RFX4: variants seen among roughly 807,000 people sequenced by gnomAD.
RFX4 encodes the protein regulatory factor X4.
A neutral mutation model predicts 95.0 loss-of-function variants in RFX4; 10 were observed. That is an observed-to-expected ratio of 0.11 (90% CI 0.06 to 0.18). RFX4 has a LOEUF of 0.18. Ranked by LOEUF, RFX4 falls within the 10% of genes least tolerant of loss-of-function variation. RFX4 has a pLI of 1.00. For missense variants in RFX4, 640 were observed against 922.0 expected (o/e 0.69, Z 3.96); for synonymous variants, 321 against 340.7 (o/e 0.94, Z 0.64).
Position 106,586,870 on chromosome 12 carries a change from C to A in RFX4, c.43+3507C>A, listed in dbSNP as rs530162197. The stretch of plus-strand genomic sequence containing the variant: ...TCCTCCATTCTTGCCCAGGCACAGC[C>A]CTGGGGAAGGAGCCACTGTCTGCGG... On this transcript the variant is annotated intron_variant, in intron 1 of 17. Coordinates refer to ENST00000392842, the MANE Select transcript of RFX4 (RefSeq NM_213594.3). This position sits in a 1 kb window ranked among gnomAD's most constrained non-coding sequence, Gnocchi z 5.6. 1.3e-5 allele frequency among the ~76,000 whole-genome samples: 2 copies of A among 152,354 alleles called. No individual in the cohort carries two copies. Among genetic ancestry groups the A allele is most frequent in the Admixed American group, 6.5e-5 (1 of 15,312 alleles).
At chr12:106,706,119 G>A (rs969660129) in intron 8 of RFX4, among the ~76,000 whole-genome samples, 19 of 152,220 alleles carry the variant, frequency 1.2e-4, no homozygotes, top group Admixed American at 5.2e-4. Flanking sequence ...AGCTAAGCAG[G>A]TGAAGAGGGA....
At chr12:106,741,970 A>G (rs2042813772) in intron 15 of RFX4, among the ~76,000 whole-genome samples, 3 of 152,198 alleles carry the variant, frequency 2.0e-5, no homozygotes, top group African/African-American at 7.2e-5. Flanking sequence ...GAGCTCAGGC[A>G]GTAATGCTTG....
In RFX4 at chr12:106,720,859, A is replaced by G; in HGVS notation, c.1334A>G (p.His445Arg). ...GTRVIRDMTLHSAPSFGSFHL... is the reference protein window; with the variant it reads ...GTRVIRDMTLRSAPSFGSFHL... ...AGGGTGATCCGGGACATGACCTTGCACAGCGCCCCCAGCTTCGGTAAGGCC... is the reference window on the plus strand; with the variant it reads ...AGGGTGATCCGGGACATGACCTTGCGCAGCGCCCCCAGCTTCGGTAAGGCC... The change falls in exon 13 of 18, where the codon CAC becomes CGC. Residue 445 changes from histidine to arginine, a missense_variant. This residue lies in a region of RFX4 where 20 missense variants were observed against 52.3 expected (regional missense o/e 0.38). Transcript: ENST00000392842. The surrounding 1 kb of genome is among the most constrained non-coding windows in gnomAD (Gnocchi z 4.2). The G allele has an allele frequency of 6.2e-7, 1 of 1,612,760 alleles. No homozygotes were observed. Among genetic ancestry groups the G allele is most frequent in the Non-Finnish European group, 8.5e-7 (1 of 1,179,986 alleles).
Position 106,629,174 on chromosome 12 carries a change from C to T in RFX4, c.131-10158C>T, listed in dbSNP as rs548016675. 2.2e-3 allele frequency among the ~76,000 whole-genome samples: 332 copies of T among 152,104 alleles called. 3 individuals are homozygous for T. Among genetic ancestry groups the T allele is most frequent in the Non-Finnish European group, 3.8e-3 (261 of 67,988 alleles). ...TCCATATCAGTAAGAACATAGAAAG[C>T]GTCCTCATTCTTTTTTGGTTTTCAT... On this transcript the variant is annotated intron_variant, in intron 2 of 17. Transcript: ENST00000392842.
At chr12:106,600,364 T>G (rs1466341694) in intron 1 of RFX4, among the ~76,000 whole-genome samples, 1 of 151,834 alleles carries the variant, frequency 6.6e-6, no homozygotes, top group East Asian at 1.9e-4. Flanking sequence ...GCTTCCTAAC[T>G]CCCCCAGATT....
intron 15 of RFX4, among the ~76,000 whole-genome samples, chr12:106,736,895 C>G (rs2042718725): frequency 6.6e-6 from 1 of 152,126 alleles, no homozygotes; most frequent in Admixed American, 6.6e-5. Context: ...TTTCATGAAG[C>G]CTGTGCCTCC....
In RFX4 at chr12:106,591,261, C is replaced by CTTTTTTTTTT. The variant is rs1565942195; in HGVS notation, c.43+7898_43+7899insTTTTTTTTTT. Among the ~76,000 whole-genome samples the CTTTTTTTTTT allele has an allele frequency of 4.5e-5, 3 of 66,466 alleles. 1 individual carries two copies. The highest frequency in any genetic ancestry group is 6.5e-5 in the African/African-American group (1 of 15,316). The allele number at this position is 66,466 out of a possible 152,430, so 43.6% of individuals were successfully genotyped here. On this transcript the variant is annotated intron_variant, in intron 1 of 17. Transcript: ENST00000392842. ...CCTATATGAAAGTGTTAAAATAGTC[C>CTTTTTTTTTT]CTTTTTTTTTTTTTTTTTTTTTTTT... is the stretch of plus-strand genomic sequence containing the variant.
intron 2 of RFX4, among the ~76,000 whole-genome samples, chr12:106,620,947 A>G (rs896574727): frequency 6.6e-6 from 1 of 152,156 alleles, no homozygotes; most frequent in African/African-American, 2.4e-5. Context: ...GCTCTCTGCA[A>G]GAAGAAAAAT....
Position 106,720,797 on chromosome 12 carries a change from C to T in RFX4, c.1272C>T (p.Ala424=). 1 of 1,613,868 alleles carries T rather than the reference C, an allele frequency of 6.2e-7. No individual in the cohort carries two copies. ...AKRQGSLKKV[A]QQFLLMWSCF... is the part of the protein sequence containing the mutation. Reference sequence around the variant, plus strand: ...GACAAGGGTCCTTGAAGAAAGTGGCCCAGCAGTTCCTCTTGATGTGGTCCT... The same window carrying T: ...GACAAGGGTCCTTGAAGAAAGTGGCTCAGCAGTTCCTCTTGATGTGGTCCT... Residue 424 remains alanine, a synonymous_variant, in exon 13 of 18, where the codon GCC becomes GCT. Transcript: ENST00000392842. The surrounding 1 kb of genome is among the most constrained non-coding windows in gnomAD (Gnocchi z 4.2).
chr12:106,639,128 T>C (rs377674424), intron 2 of RFX4, among the ~76,000 whole-genome samples: 14 of 152,302 alleles, frequency 9.2e-5, no homozygotes, highest in African/African-American at 1.7e-4. Flanking sequence ...AAAATTGACA[T>C]GAGAGTTTTA....
At chr12:106,625,298 G>A (rs184409807) in intron 2 of RFX4, among the ~76,000 whole-genome samples, 168 of 152,308 alleles carry the variant, frequency 1.1e-3, no homozygotes, top group Non-Finnish European at 2.0e-3. Context: ...TTCAGTAAGC[G>A]TGAGGAAATG....
In RFX4 at chr12:106,701,488, A is replaced by G. The variant is rs145366089; in HGVS notation, c.833+5042A>G. Among the ~76,000 whole-genome samples the G allele has an allele frequency of 2.6e-3, 390 of 151,986 alleles. 1 individual carries two copies. The highest frequency in any genetic ancestry group is 8.6e-3 in the African/African-American group (357 of 41,428). ...TTTCTCTCTTTTTTCTCCTCCTGATATTTCAATTACAAGTATGTTAGGCCA... is the reference window on the plus strand; with the variant it reads ...TTTCTCTCTTTTTTCTCCTCCTGATGTTTCAATTACAAGTATGTTAGGCCA... On this transcript the variant is annotated intron_variant, in intron 8 of 17. Coordinates refer to ENST00000392842, the MANE Select transcript of RFX4 (RefSeq NM_213594.3).
Position 106,689,269 on chromosome 12 carries a change from C to G in RFX4, c.592-18C>G, listed in dbSNP as rs79661096. 6,284 of 1,593,886 alleles carry G rather than the reference C, an allele frequency of 3.9e-3. 28 individuals are homozygous for G. The highest frequency in any genetic ancestry group is 4.8e-3 in the Non-Finnish European group (5,583 of 1,161,856). ...TTAATGTATGTCTTTGTTGTTGATC[C>G]TCTACACACCCCCACAGGTTTCTAC... On this transcript the variant is annotated intron_variant, in intron 6 of 17. Transcript: ENST00000392842.
chr12:106,757,062 C>A lies in RFX4; in HGVS notation c.1936-4135C>A, dbSNP rs140379699. Among the ~76,000 whole-genome samples the A allele has an allele frequency of 5.8e-4, 88 of 152,316 alleles. No individual in the cohort carries two copies. The East Asian group carries it at 0.015, about 25-fold the overall frequency. On this transcript the variant is annotated intron_variant, in intron 17 of 17. Transcript: ENST00000392842. ...TCCCTTCTCTTGACCTTAATTATTTCATCTGTAAACCCAGAGGTAGAACCA... is the reference window on the plus strand; with the variant it reads ...TCCCTTCTCTTGACCTTAATTATTTAATCTGTAAACCCAGAGGTAGAACCA...
chr12:106,616,640 A>T (rs2040079452), intron 2 of RFX4, among the ~76,000 whole-genome samples: 1 of 152,120 alleles, frequency 6.6e-6, no homozygotes, highest in Non-Finnish European at 1.5e-5. Flanking sequence ...CTAAATAGTT[A>T]TTGGATTATT....
intron 2 of RFX4, among the ~76,000 whole-genome samples, chr12:106,630,716 T>A (rs1401879102): frequency 6.6e-6 from 1 of 152,246 alleles, no homozygotes; most frequent in African/African-American, 2.4e-5. Context: ...TTCCTGGGAT[T>A]TGAAAAGAAG....
rs773479338 is a variant in RFX4 at position 106,762,280 on chromosome 12, T to C, written c.*811T>C. ...TAAGTTCTATGAGAATGTGGATTTA[T>C]GGCATTGAGTATCACACTCAGCTCT... On this transcript the variant is annotated 3_prime_UTR_variant, in exon 18 of 18. Transcript: ENST00000392842. 24 of 152,610 alleles carry C rather than the reference T, an allele frequency of 1.6e-4. No individual in the cohort carries two copies. Among genetic ancestry groups the C allele is most frequent in the Non-Finnish European group, 1.9e-4 (13 of 68,038 alleles). 9.5% of individuals were successfully genotyped at this position (152,610 alleles called of 1,614,324 possible).
chr12:106,604,505 C>T (rs768198612), intron 1 of RFX4, among the ~76,000 whole-genome samples: 4 of 151,462 alleles, frequency 2.6e-5, no homozygotes, highest in South Asian at 2.1e-4. Context: ...TTTGGAAAAT[C>T]GCCTTTGATA....
intron 15 of RFX4, among the ~76,000 whole-genome samples, chr12:106,740,178 C>T (rs1037866475): frequency 3.9e-5 from 6 of 152,316 alleles, no homozygotes; most frequent in Admixed American, 6.5e-5. Context: ...GAAATAAAAG[C>T]GAATTCCTCA....
Sources: gnomAD v4.1 joint callset for allele counts (sites outside exome capture counted in the v4.1 genomes callset) on GRCh38, gnomAD v4.1.1 for gene constraint, gnomAD v4.1.1 regional missense constraint, Gnocchi (gnomAD v3.1) non-coding constraint, MANE v1.5 for transcripts, NCBI Gene and HGNC (gene_info 2026-07-23, HGNC 2026-07-21) for gene names.